ZDHHC14: variants seen among roughly 807,000 people sequenced by gnomAD.
ZDHHC14 encodes palmitoyltransferase ZDHHC14.
In ZDHHC14, 16 loss-of-function variants were observed where a neutral mutation model predicts 47.7. The observed-to-expected ratio is 0.34, with a 90% CI of 0.23 to 0.51. The LOEUF (loss-of-function observed/expected upper bound fraction) is 0.51, where lower values mean the gene tolerates loss of function less well. Among genes scored for constraint, ZDHHC14 ranks in the 20% least tolerant of loss-of-function variants. ZDHHC14 has a pLI of 0.97. For synonymous variants in ZDHHC14, 293 were observed against 278.9 expected, an observed-to-expected ratio of 1.05 and a Z score of -0.50; for missense variants, 515 against 662.5, an observed-to-expected ratio of 0.78 and a Z score of 2.44.
rs1456315365 is a variant in ZDHHC14, at chr6:157,486,907, G to T, written c.246-55678G>T. On this transcript the variant is annotated intron_variant, in intron 1 of 8. Coordinates refer to ENST00000359775, the MANE Select transcript of ZDHHC14 (RefSeq NM_024630.3). Reference sequence around the variant, plus strand: ...GAGGAGACGCAGGAGGATGCAGGAGGTGGGCTGGGGAGGCACCTATGGCAG... The same window carrying T: ...GAGGAGACGCAGGAGGATGCAGGAGTTGGGCTGGGGAGGCACCTATGGCAG... 3.3e-5 allele frequency among the ~76,000 whole-genome samples: 5 copies of T among 152,338 alleles called. No homozygotes were observed. In the South Asian group the frequency reaches 1.0e-3, roughly 32 times the overall value.
intron 5 of ZDHHC14, among the ~76,000 whole-genome samples, chr6:157,639,986 G>A (rs614353): frequency 0.56 from 85,264 of 152,054 alleles, 24,592 homozygotes; most frequent in African/African-American, 0.65. Flanking sequence ...TTATCAATGA[G>A]AATGTCGCAG....
intron 7 of ZDHHC14, among the ~76,000 whole-genome samples, chr6:157,649,885 G>A (rs1777736982): frequency 6.6e-6 from 1 of 152,254 alleles, no homozygotes. Context: ...GGCTGGTTCT[G>A]TGGGTCATGT....
intron 1 of ZDHHC14, among the ~76,000 whole-genome samples, chr6:157,458,527 G>C (rs144888924): frequency 2.6e-5 from 4 of 152,132 alleles, no homozygotes; most frequent in African/African-American, 9.6e-5. Flanking sequence ...ATTCTTTTGG[G>C]ATTATCTAGT....
intron 1 of ZDHHC14, among the ~76,000 whole-genome samples, chr6:157,438,024 G>A (rs1562424750): frequency 6.6e-6 from 1 of 151,596 alleles, no homozygotes; most frequent in Admixed American, 6.6e-5. Context: ...TTTTATTGAG[G>A]TAAAATATAC....
At chr6:157,653,347 A>G (rs1777927306) in intron 7 of ZDHHC14, among the ~76,000 whole-genome samples, 178 bp from the exon 8 acceptor site, 1 of 152,068 alleles carries the variant, frequency 6.6e-6, no homozygotes, top group Non-Finnish European at 1.5e-5. Flanking sequence ...GTTTAAAGGG[A>G]GAAGGGACAG....
At chr6:157,640,548 G>A (rs1186889151) in intron 5 of ZDHHC14, among the ~76,000 whole-genome samples, 1 of 152,202 alleles carries the variant, frequency 6.6e-6, no homozygotes, top group South Asian at 2.1e-4. Flanking sequence ...AAGTAGGTAG[G>A]ACAGGTGTCC....
intron 1 of ZDHHC14, among the ~76,000 whole-genome samples, chr6:157,400,155 G>A (rs896536774): frequency 5.9e-5 from 9 of 152,158 alleles, no homozygotes; most frequent in African/African-American, 2.2e-4. Context: ...GGACCTTGGT[G>A]TGGTCCACGC....
intron 1 of ZDHHC14, among the ~76,000 whole-genome samples, chr6:157,489,897 T>G (rs1779872123): frequency 6.6e-6 from 1 of 152,134 alleles, no homozygotes; most frequent in Non-Finnish European, 1.5e-5. Context: ...TCGCTCTGGC[T>G]GCTGAGAGAA....
At chr6:157,386,355 A>C (rs1777311158) in intron 1 of ZDHHC14, among the ~76,000 whole-genome samples, 1 of 152,206 alleles carries the variant, frequency 6.6e-6, no homozygotes, top group Non-Finnish European at 1.5e-5. Flanking sequence ...TTTTTAAATA[A>C]AAATTTAAAA....
intron 1 of ZDHHC14, among the ~76,000 whole-genome samples, chr6:157,406,928 A>G (rs1777777299): frequency 6.6e-6 from 1 of 152,216 alleles, no homozygotes; most frequent in African/African-American, 2.4e-5. Flanking sequence ...GAAGGGGGAT[A>G]GAGTCTTGCT....
intron 5 of ZDHHC14, among the ~76,000 whole-genome samples, chr6:157,640,186 G>A (rs1777182406): frequency 1.3e-5 from 2 of 152,218 alleles, no homozygotes; most frequent in Non-Finnish European, 1.5e-5. Flanking sequence ...TCAATGTAAT[G>A]TAGCATTAAC....
Position 157,619,745 on chromosome 6 carries a change from C to T in ZDHHC14, c.566-8604C>T, listed in dbSNP as rs570479430. On this transcript the variant is annotated intron_variant, in intron 3 of 8. Transcript: ENST00000359775. Reference sequence around the variant, plus strand: ...TTTTTTTAACAAATGGAGCTAAATGCTGCAGAATGTTAATTTATAAAACAC... The same window carrying T: ...TTTTTTTAACAAATGGAGCTAAATGTTGCAGAATGTTAATTTATAAAACAC... Among the ~76,000 whole-genome samples the T allele has an allele frequency of 5.9e-5, 9 of 151,848 alleles. No individual in the cohort carries two copies. In the South Asian group the frequency reaches 1.9e-3, roughly 32 times the overall value.
chr6:157,491,331 G>A (rs1316812299), intron 1 of ZDHHC14, among the ~76,000 whole-genome samples: 4 of 152,154 alleles, frequency 2.6e-5, no homozygotes, highest in African/African-American at 4.8e-5. Context: ...ATGAGGCCAC[G>A]TTCTGAGCTT....
chr6:157,602,791 C>T (rs1176173599), intron 3 of ZDHHC14, among the ~76,000 whole-genome samples: 3 of 152,208 alleles, frequency 2.0e-5, no homozygotes, highest in African/African-American at 4.8e-5. Flanking sequence ...TGGAGTGCTA[C>T]GTACCCAGGC....
intron 4 of ZDHHC14, 29 bp from the exon 5 acceptor site, chr6:157,632,805 A>C: frequency 5.0e-6 from 8 of 1,612,530 alleles, no homozygotes; most frequent in Non-Finnish European, 6.8e-6. Flanking sequence ...TTTCTATCTG[A>C]ATACTAAATG....
intron 1 of ZDHHC14, among the ~76,000 whole-genome samples, chr6:157,505,369 T>C (rs1233250185): frequency 6.6e-6 from 1 of 152,224 alleles, no homozygotes; most frequent in Non-Finnish European, 1.5e-5. Flanking sequence ...TTAAAGTCTT[T>C]GCTAAGTTTA....
chr6:157,454,223 G>A (rs950720073), intron 1 of ZDHHC14, among the ~76,000 whole-genome samples: 1 of 152,152 alleles, frequency 6.6e-6, no homozygotes, highest in Non-Finnish European at 1.5e-5. Context: ...AAAACATGAA[G>A]GGACAAAGAA....
intron 8 of ZDHHC14, 85 bp downstream of exon 8, chr6:157,653,712 A>C: frequency 7.1e-7 from 1 of 1,398,760 alleles, no homozygotes; most frequent in East Asian, 2.4e-5. Context: ...CCTTCCTAGC[A>C]AACCTCCCCA....
intron 1 of ZDHHC14, among the ~76,000 whole-genome samples, chr6:157,430,525 G>A (rs899840445): frequency 1.6e-4 from 25 of 152,118 alleles, no homozygotes; most frequent in Non-Finnish European, 2.8e-4. Context: ...TGTTTTGAAA[G>A]CCAACAATGT....
Sources: gnomAD v4.1 joint callset for allele counts (sites outside exome capture counted in the v4.1 genomes callset) on GRCh38, gnomAD v4.1.1 for gene constraint, MANE v1.5 for transcripts, NCBI Gene and HGNC (gene_info 2026-07-23, HGNC 2026-07-21) for gene names.